The following GPM6A variants were observed in gnomAD, a reference collection of about 807,000 sequenced individuals.
GPM6A encodes the protein glycoprotein M6A, also known as neuronal membrane glycoprotein M6-a.
In GPM6A, 7 loss-of-function variants were observed where a neutral mutation model predicts 32.1. That is an observed-to-expected ratio of 0.22 (90% CI 0.12 to 0.41). The LOEUF is 0.41. Ranked by LOEUF, GPM6A falls within the 10% of genes least tolerant of loss-of-function variation. The pLI is 1.00. For synonymous variants in GPM6A, 130 were observed against 123.4 expected, an observed-to-expected ratio of 1.05 and a Z score of -0.35; for missense variants, 235 against 347.2, an observed-to-expected ratio of 0.68 and a Z score of 2.57.
At chr4:175,813,728 G>A (rs1375793681), upstream of GPM6A, among the ~76,000 whole-genome samples, 1 of 152,188 alleles carries the variant, frequency 6.6e-6, no homozygotes, top group Non-Finnish European at 1.5e-5. Flanking sequence ...CCAGTAGCAT[G>A]CTGCACATCA....
chr4:175,804,130 G>A (rs1052126204), intron 1 of GPM6A, among the ~76,000 whole-genome samples: 3 of 152,096 alleles, frequency 2.0e-5, no homozygotes, highest in African/African-American at 7.2e-5. Context: ...TCATATCTAA[G>A]AGTTCCATTG....
intron 1 of GPM6A, among the ~76,000 whole-genome samples, chr4:175,858,968 A>C (rs556030670): frequency 6.6e-6 from 1 of 152,220 alleles, no homozygotes; most frequent in Non-Finnish European, 1.5e-5. Flanking sequence ...AAGAAGCAAA[A>C]AAGGGTACAT....
At chr4:175,779,229 T>C (rs1461308209) in intron 1 of GPM6A, among the ~76,000 whole-genome samples, 1 of 152,162 alleles carries the variant, frequency 6.6e-6, no homozygotes, top group African/African-American at 2.4e-5. Context: ...CCCTGCTTGA[T>C]GCAATCGTTA....
At chr4:175,696,391 T>C (rs1051663880) in intron 2 of GPM6A, among the ~76,000 whole-genome samples, 2 of 152,330 alleles carry the variant, frequency 1.3e-5, no homozygotes, top group Non-Finnish European at 1.5e-5. Context: ...CTTGTCTATC[T>C]AAATTCCTCA....
intron 1 of GPM6A, among the ~76,000 whole-genome samples, chr4:175,728,500 T>C (rs1445148206): frequency 2.0e-5 from 3 of 152,236 alleles, no homozygotes; most frequent in African/African-American, 7.2e-5. Flanking sequence ...CAGTTCCTTT[T>C]CTGTAGATAA....
At chr4:175,915,930 G>A (rs1037852936) in intron 1 of GPM6A, among the ~76,000 whole-genome samples, 2 of 152,164 alleles carry the variant, frequency 1.3e-5, no homozygotes, top group African/African-American at 4.8e-5. Context: ...TGCTACTTGC[G>A]TGCACACGGG....
intron 1 of GPM6A, among the ~76,000 whole-genome samples, chr4:175,920,335 A>G (rs1296323810): frequency 6.6e-6 from 1 of 152,224 alleles, no homozygotes; most frequent in Non-Finnish European, 1.5e-5. Context: ...TAATTCTCTT[A>G]CCAGTATAAA....
At chr4:175,708,925 T>G (rs916872982) in intron 1 of GPM6A, among the ~76,000 whole-genome samples, 5 of 152,166 alleles carry the variant, frequency 3.3e-5, no homozygotes, top group African/African-American at 1.2e-4. Flanking sequence ...ACAGTAAATA[T>G]TTGGTAGAAC....
intron 1 of GPM6A, among the ~76,000 whole-genome samples, chr4:175,820,682 T>C (rs935592946): frequency 6.6e-6 from 1 of 151,888 alleles, no homozygotes; most frequent in African/African-American, 2.4e-5. Context: ...ATATTTTCAG[T>C]AGTGACAGGG....
At chr4:175,820,011 G>A (rs370196273) in intron 1 of GPM6A, among the ~76,000 whole-genome samples, 7 of 152,306 alleles carry the variant, frequency 4.6e-5, no homozygotes, top group African/African-American at 1.4e-4. Context: ...ACTATAGGGA[G>A]TTGAAGTAGA....
Position 175,639,288 on chromosome 4 carries a change from T to C in GPM6A, c.684+841A>G, listed in dbSNP as rs187017062. Among the ~76,000 whole-genome samples the C allele has an allele frequency of 2.0e-5, 3 of 152,266 alleles. No homozygotes were observed. In the East Asian group the frequency reaches 5.8e-4, roughly 29 times the overall value. On this transcript the variant is annotated intron_variant, in intron 6 of 6. Coordinates refer to ENST00000393658, the MANE Select transcript of GPM6A (RefSeq NM_201591.3). ...TTTAGTCTCTGACAAGAGAAAAACA[T>C]TTTTTTATGAAAGTGTTCCTTTCAC...
chr4:175,927,299 G>A (rs919572669), intron 1 of GPM6A, among the ~76,000 whole-genome samples: 1 of 152,242 alleles, frequency 6.6e-6, no homozygotes. Context: ...CACAGTTCAA[G>A]TACAGACAAG....
At chr4:175,936,306 CAAAAAAAAA>C (rs35653197) in intron 1 of GPM6A, among the ~76,000 whole-genome samples, 5 of 45,598 alleles carry the variant, frequency 1.1e-4, no homozygotes, top group South Asian at 1.5e-3. Flanking sequence ...ACTCTGTCTC[CAAAAAAAAA>C]AAAAAAAAAA....
At chr4:175,883,948 C>G (rs747448224) in intron 1 of GPM6A, among the ~76,000 whole-genome samples, 6 of 152,128 alleles carry the variant, frequency 3.9e-5, no homozygotes, top group African/African-American at 7.2e-5. Context: ...TACATTGATT[C>G]ATATTTGAAA....
intron 1 of GPM6A, among the ~76,000 whole-genome samples, chr4:175,768,531 A>C (rs1733062023): frequency 6.6e-6 from 1 of 152,170 alleles, no homozygotes. Flanking sequence ...CTAAAAAATT[A>C]ATAATAATTC....
chr4:175,869,600 T>C (rs1736841873), intron 1 of GPM6A, among the ~76,000 whole-genome samples: 3 of 151,626 alleles, frequency 2.0e-5, no homozygotes, highest in Admixed American at 6.6e-5. Context: ...CTACTAACAA[T>C]ACAAAAATTA....
rs185020863 is a variant in GPM6A at position 175,793,408 on chromosome 4, G to A, written c.37+18783C>T. 1.5e-4 allele frequency among the ~76,000 whole-genome samples: 23 copies of A among 151,764 alleles called. No individual in the cohort carries two copies. In the South Asian group the frequency reaches 1.7e-3, roughly 11 times the overall value. ...TTTATTTATTTAGAGATGGTGTTTC[G>A]CTCTGTCCCTCAGGCTGGAGTGCAG... On this transcript the variant is annotated intron_variant, in intron 1 of 6. Coordinates refer to ENST00000393658, the MANE Select transcript of GPM6A (RefSeq NM_201591.3).
intron 1 of GPM6A, among the ~76,000 whole-genome samples, chr4:175,806,349 T>G (rs1474522361): frequency 6.6e-6 from 1 of 152,260 alleles, no homozygotes; most frequent in African/African-American, 2.4e-5. Flanking sequence ...TTTAGTCTCT[T>G]TAAATATTTA....
chr4:175,739,991 AAG>A (rs1290608478), intron 1 of GPM6A, among the ~76,000 whole-genome samples: 1 of 152,252 alleles, frequency 6.6e-6, no homozygotes, highest in Non-Finnish European at 1.5e-5. Context: ...GACTTTAAAA[AAG>A]TAAATAGTAT....
Sources: allele counts gnomAD v4.1 joint callset (sites outside exome capture counted in the v4.1 genomes callset), GRCh38; gene constraint gnomAD v4.1.1; transcripts MANE v1.5; gene names NCBI Gene and HGNC (gene_info 2026-07-23, HGNC 2026-07-21).